LGR6: variants seen among roughly 807,000 people sequenced by gnomAD.
The protein encoded by LGR6 is leucine rich repeat containing G protein-coupled receptor 6.
Under a neutral mutation model 69.4 loss-of-function variants are expected in LGR6, and 45 were observed. The observed-to-expected ratio is 0.65, with a 90% CI of 0.51 to 0.83. The LOEUF is 0.83. LGR6 is among the 40% of genes least tolerant of loss of function. The pLI is 0.00. For synonymous variants in LGR6, 538 were observed against 555.0 expected (o/e 0.97, Z 0.43); for missense variants, 1,108 against 1,246.7 (o/e 0.89, Z 1.68).
intron 1 of LGR6, among the ~76,000 whole-genome samples, chr1:202,196,036 C>T (rs561186798): frequency 1.3e-5 from 2 of 152,108 alleles, no homozygotes; most frequent in Non-Finnish European, 2.9e-5. Flanking sequence ...CTGTGTCTTC[C>T]TGGGGATTGA....
At chr1:202,258,155 T>C (rs1663934126) in intron 4 of LGR6, among the ~76,000 whole-genome samples, 1 of 152,100 alleles carries the variant, frequency 6.6e-6, no homozygotes. Flanking sequence ...TTATATATAT[T>C]GATCTTATAT....
intron 1 of LGR6, among the ~76,000 whole-genome samples, chr1:202,200,360 G>A (rs573952340): frequency 6.6e-6 from 1 of 152,348 alleles, no homozygotes; most frequent in East Asian, 1.9e-4. Context: ...GGGGTGAATG[G>A]GTCATTTGGG....
chr1:202,285,012 G>GCT (rs970767614), intron 6 of LGR6, among the ~76,000 whole-genome samples: 1 of 152,224 alleles, frequency 6.6e-6, no homozygotes, highest in African/African-American at 2.4e-5. Flanking sequence ...TCTGGCCCCA[G>GCT]CTCTCTCTCT....
At chr1:202,264,123 C>T (rs1219608934) in intron 4 of LGR6, among the ~76,000 whole-genome samples, 1 of 151,956 alleles carries the variant, frequency 6.6e-6, no homozygotes, top group African/African-American at 2.4e-5. Context: ...TATAACCTCT[C>T]CAGTTCTCAT....
chr1:202,203,659 CTG>C (rs1456943553), intron 1 of LGR6: 12 of 673,780 alleles, frequency 1.8e-5, no homozygotes, highest in Non-Finnish European at 3.1e-5. Context: ...GCGCAAATAA[CTG>C]TGACCTGTTG....
intron 1 of LGR6, among the ~76,000 whole-genome samples, chr1:202,214,618 G>T (rs1659643017): frequency 6.6e-6 from 1 of 152,160 alleles, no homozygotes; most frequent in Admixed American, 6.5e-5. Flanking sequence ...GAAGTAACTT[G>T]ATATTTCCGA....
Position 202,193,904 on chromosome 1 carries a change from C to A in LGR6, c.-86C>A. Reference sequence around the variant, plus strand: ...GGCGGTCCCCACCGACGGTGCAGCCCGCCGGGACCGGGAGGAAGCAGCTGC... The same window carrying A: ...GGCGGTCCCCACCGACGGTGCAGCCAGCCGGGACCGGGAGGAAGCAGCTGC... On this transcript the variant is annotated 5_prime_UTR_variant, in exon 1 of 18. Coordinates refer to ENST00000367278, the MANE Select transcript of LGR6 (RefSeq NM_001017403.2). The A allele has an allele frequency of 1.1e-6, 1 of 909,828 alleles. No individual in the cohort carries two copies. The highest frequency in any genetic ancestry group is 1.4e-6 in the Non-Finnish European group (1 of 694,510). 56.4% of individuals were successfully genotyped at this position (909,828 alleles called of 1,614,324 possible). A position where few individuals can be genotyped will look rare whatever the true frequency, so the allele number is the denominator to read the frequency against.
chr1:202,243,989 C>A (rs1271400184), intron 4 of LGR6, among the ~76,000 whole-genome samples: 1 of 152,026 alleles, frequency 6.6e-6, no homozygotes, highest in East Asian at 1.9e-4. Flanking sequence ...TGGAGTCTCG[C>A]TCTGTCACCC....
At chr1:202,309,267 A>T in intron 15 of LGR6, 91 bp downstream of exon 15, 1 of 1,492,034 alleles carries the variant, frequency 6.7e-7, no homozygotes. Flanking sequence ...CCCTGAGAAG[A>T]GCCTAGAGGC....
In LGR6 at chr1:202,300,744, T is replaced by G. The variant is rs186931980; in HGVS notation, c.786-105T>G. 2.2e-4 allele frequency: 152 copies of G among 697,838 alleles called. 1 individual carries two copies. In the East Asian group the frequency reaches 3.8e-3, roughly 17 times the overall value. The allele number at this position is 697,838 out of a possible 1,614,324, so 43.2% of individuals were successfully genotyped here. A position where few individuals can be genotyped will look rare whatever the true frequency, so the allele number is the denominator to read the frequency against. On this transcript the variant is annotated intron_variant, in intron 7 of 17. Coordinates refer to ENST00000367278, the MANE Select transcript of LGR6 (RefSeq NM_001017403.2). ...TCTCCAGGCCAATGCCTCTTTTGTC[T>G]TATGGACTGTCTAGCTTGCTGTCCA... is the stretch of plus-strand genomic sequence containing the variant.
rs374410397 is a variant in LGR6 at position 202,314,879 on chromosome 1, C to A, written c.1645C>A (p.Pro549Thr). The A allele has an allele frequency of 2.4e-5, 39 of 1,612,406 alleles. No individual in the cohort carries two copies. Among genetic ancestry groups the A allele is most frequent in the Non-Finnish European group, 3.1e-5 (37 of 1,178,560 alleles). ...CCCCAGTGTCCAGTGTAGCCCTACT[C>A]CAGGTGAGGTGGTGTCTGGGGAATG... is the stretch of plus-strand genomic sequence containing the variant. ...PHPSVQCSPT[P>T]GPFKPCEYLF... Residue 549 changes from proline to threonine, a missense_variant, in exon 17 of 18, where the codon CCA becomes ACA. Transcript: ENST00000367278.
At chr1:202,270,880 C>T (rs1443182885) in intron 4 of LGR6, among the ~76,000 whole-genome samples, 1 of 152,150 alleles carries the variant, frequency 6.6e-6, no homozygotes, top group African/African-American at 2.4e-5. Context: ...GGAAGGGTCC[C>T]CTTCCTTCCC....
At chr1:202,204,671 G>A (rs111205722) in intron 1 of LGR6, among the ~76,000 whole-genome samples, 468 of 2,656 alleles carry the variant, frequency 0.18, no homozygotes, top group East Asian at 0.23. Flanking sequence ...ACACACACAC[G>A]CCTCCAAACA....
At chr1:202,312,863 C>T (rs1653851180) in intron 16 of LGR6, among the ~76,000 whole-genome samples, 1 of 151,994 alleles carries the variant, frequency 6.6e-6, no homozygotes, top group Admixed American at 6.6e-5. Flanking sequence ...ATTTGTGGAC[C>T]TCCAGCATGT....
At chr1:202,306,738 G>T (rs778019395) in intron 12 of LGR6, 130 bp from the exon 13 acceptor site, 2 of 843,044 alleles carry the variant, frequency 2.4e-6, no homozygotes, top group South Asian at 1.4e-5. Context: ...TGACTTCCTC[G>T]GGCTGGGCCC....
intron 3 of LGR6, among the ~76,000 whole-genome samples, chr1:202,231,834 T>A (rs144938885): frequency 0.018 from 2,750 of 152,242 alleles, 41 homozygotes; most frequent in Non-Finnish European, 0.027. Flanking sequence ...GGCTCATGCC[T>A]GTAATCCCAG....
intron 1 of LGR6, among the ~76,000 whole-genome samples, chr1:202,222,183 C>T (rs552394514): frequency 2.4e-4 from 37 of 152,330 alleles, no homozygotes; most frequent in Middle Eastern, 3.4e-3. Context: ...CCCCTGGCAC[C>T]AGCCTTACCC....
intron 6 of LGR6, among the ~76,000 whole-genome samples, chr1:202,295,870 AGTGTGT>A (rs10522809): frequency 0.033 from 4,759 of 143,988 alleles, 84 homozygotes; most frequent in Middle Eastern, 0.056. Context: ...TTGGGTAATT[AGTGTGT>A]GTGTGTGTGT....
chr1:202,198,370 G>A (rs560585010), intron 1 of LGR6, among the ~76,000 whole-genome samples: 1 of 152,320 alleles, frequency 6.6e-6, no homozygotes, highest in South Asian at 2.1e-4. Flanking sequence ...TACCTCATAG[G>A]GTTGTTGTGT....
Sources: gnomAD v4.1 joint callset for allele counts (sites outside exome capture counted in the v4.1 genomes callset) on GRCh38, gnomAD v4.1.1 for gene constraint, MANE v1.5 for transcripts, NCBI Gene and HGNC (gene_info 2026-07-23, HGNC 2026-07-21) for gene names.